IDH1: variants seen among roughly 807,000 people sequenced by gnomAD.
IDH1 encodes isocitrate dehydrogenase (NADP(+)) 1.
IDH1 carries 33 observed loss-of-function variants against 46.1 expected under a neutral mutation model. That is an observed-to-expected ratio of 0.72 (90% CI 0.54 to 0.96). The LOEUF is 0.96. Ranked by LOEUF, IDH1 falls within the 40% of genes least tolerant of loss-of-function variation. The pLI is 0.00. For synonymous variants in IDH1, 144 were observed against 172.8 expected, an observed-to-expected ratio of 0.83 and a Z score of 1.31; for missense variants, 421 against 515.7, an observed-to-expected ratio of 0.82 and a Z score of 1.78.
intron 6 of IDH1, among the ~76,000 whole-genome samples, chr2:208,243,188 C>G (rs541624778): frequency 2.0e-5 from 3 of 152,282 alleles, no homozygotes; most frequent in Admixed American, 6.5e-5. Flanking sequence ...ATTAAAGAAC[C>G]TGGCTCTGAA....
In IDH1 at chr2:208,239,220, G is replaced by A. The variant is rs758405875; in HGVS notation, c.1005C>T (p.Ala335=). 6 of 1,613,770 alleles carry A rather than the reference G, an allele frequency of 3.7e-6. No homozygotes were observed. Among genetic ancestry groups the A allele is most frequent in the Non-Finnish European group, 5.1e-6 (6 of 1,179,948 alleles). Residue 335 remains alanine (A), a synonymous_variant, in exon 9 of 10, where the codon GCC becomes GCT. Transcript: ENST00000345146. ...CTCTGTGGGCTAACCCTCTGGTCCAGGCAAAAATGGAAGCTAAAAGAGGGG... is the reference window on the plus strand; with the variant it reads ...CTCTGTGGGCTAACCCTCTGGTCCAAGCAAAAATGGAAGCTAAAAGAGGGG... ...TSTNPIASIF[A]WTRGLAHRAK...
At position 208,237,034 on chromosome 2, in the gene IDH1, C is replaced by A. The variant is rs1406936770; in HGVS notation, c.*45G>T. The A allele has an allele frequency of 9.7e-7, 1 of 1,028,068 alleles. No homozygotes were observed. The highest frequency in any genetic ancestry group is 2.4e-5 in the East Asian group (1 of 41,032). 63.7% of individuals were successfully genotyped at this position (1,028,068 alleles called of 1,614,324 possible). Reference sequence around the variant, plus strand: ...ACACAGAAAAATGTAAACCTGTAGACCTAGTTACCAAAAGACAATTATCCT... The same window carrying A: ...ACACAGAAAAATGTAAACCTGTAGAACTAGTTACCAAAAGACAATTATCCT... On this transcript the variant is annotated 3_prime_UTR_variant, in exon 10 of 10. Coordinates refer to ENST00000345146, the MANE Select transcript of IDH1 (RefSeq NM_005896.4).
In IDH1 at chr2:208,239,879, C is replaced by T. The variant is rs148160119; in HGVS notation, c.975G>A (p.Thr325=). Residue 325 remains threonine, a synonymous_variant, in exon 8 of 10, where the codon ACG becomes ACA. Coordinates refer to ENST00000345146, the MANE Select transcript of IDH1 (RefSeq NM_005896.4). ...HYRMYQKGQE[T]STNPIASIFA... ...CCATCTTACCAATGGGATTGGTGGA[C>T]GTCTCCTGTCCTTTCTGGTACATGC... is the stretch of plus-strand genomic sequence containing the variant. The T allele has an allele frequency of 1.8e-4, 287 of 1,614,150 alleles. 2 individuals carry two copies. The Middle Eastern group carries it at 2.8e-3, about 16-fold the overall frequency.
intron 7 of IDH1, chr2:208,240,330 A>G: frequency 3.1e-6 from 1 of 323,656 alleles, no homozygotes; most frequent in Non-Finnish European, 6.1e-6. Context: ...TTATCTGTAA[A>G]ATGGGAGTAA....
chr2:208,251,129 T>A (rs929562102), intron 3 of IDH1: 1 of 216,448 alleles, frequency 4.6e-6, no homozygotes, highest in African/African-American at 2.3e-5. Context: ...CTGAATATAT[T>A]TAGGCTTAAA....
At chr2:208,249,533 TAGAAAATGACTGCAA>T (rs1275343779) in intron 3 of IDH1, among the ~76,000 whole-genome samples, 1 of 152,208 alleles carries the variant, frequency 6.6e-6, no homozygotes, top group Non-Finnish European at 1.5e-5. Context: ...CCAGGGAGCA[TAGAAAATGACTGCAA>T]AGCTTTATTT....
chr2:208,253,240 A>G (rs931294415), intron 2 of IDH1, among the ~76,000 whole-genome samples: 1 of 152,250 alleles, frequency 6.6e-6, no homozygotes, highest in African/African-American at 2.4e-5. Context: ...TACTCTCTGC[A>G]GTAATCTTTC....
rs77449519 is a variant in IDH1, at chr2:208,249,492, G to T, written c.123-832C>A. ...AATATACACCAACACAAAGATTGCAGGTCATTCAGAGCTGAAAGAATGTTA... is the reference window on the plus strand; with the variant it reads ...AATATACACCAACACAAAGATTGCATGTCATTCAGAGCTGAAAGAATGTTA... On this transcript the variant is annotated intron_variant, in intron 3 of 9. Coordinates refer to ENST00000345146, the MANE Select transcript of IDH1 (RefSeq NM_005896.4). Among the ~76,000 whole-genome samples the T allele has an allele frequency of 8.4e-3, 1,286 of 152,302 alleles. 23 individuals are homozygous for T. Among genetic ancestry groups the T allele is most frequent in the African/African-American group, 0.029 (1,210 of 41,558 alleles).
At position 208,239,951 on chromosome 2, in the gene IDH1, C is replaced by T. The variant is rs775133036; in HGVS notation, c.903G>A (p.Lys301=). The change falls in exon 8 of 10, where the codon AAG becomes AAA. Residue 301 remains lysine (K), a synonymous_variant. Coordinates refer to ENST00000345146, the MANE Select transcript of IDH1 (RefSeq NM_005896.4). ...MTSVLVCPDG[K]TVEAEAAHGT... ...CGTGGGCAGCCTCTGCTTCTACTGTCTTGCCATCTGGACAAACCAGCACGC... is the reference window on the plus strand; with the variant it reads ...CGTGGGCAGCCTCTGCTTCTACTGTTTTGCCATCTGGACAAACCAGCACGC... 1 of 1,614,204 alleles carries T rather than the reference C, an allele frequency of 6.2e-7. No individual in the cohort carries two copies. Among genetic ancestry groups the T allele is most frequent in the South Asian group, 1.1e-5 (1 of 91,080 alleles).
intron 6 of IDH1, 109 bp from the exon 7 acceptor site, chr2:208,242,254 TTAG>T (rs1346944979): frequency 3.9e-6 from 4 of 1,015,332 alleles, no homozygotes; most frequent in African/African-American, 3.2e-5. Flanking sequence ...GCAGCATATT[TTAG>T]TAGAAGTAGC....
chr2:208,242,365 C>T (rs1214923073), intron 6 of IDH1, among the ~76,000 whole-genome samples: 1 of 152,144 alleles, frequency 6.6e-6, no homozygotes, highest in East Asian at 1.9e-4. Flanking sequence ...CAATTTTACC[C>T]ACCTTGCAGG....
intron 6 of IDH1, 98 bp from the exon 7 acceptor site, chr2:208,242,243 A>G: frequency 8.8e-7 from 1 of 1,131,370 alleles, no homozygotes; most frequent in Non-Finnish European, 1.3e-6. Context: ...ACACACAAGA[A>G]GCAGCATATT....
intron 7 of IDH1, among the ~76,000 whole-genome samples, chr2:208,241,096 A>G (rs1048323922): frequency 5.3e-5 from 8 of 152,236 alleles, no homozygotes; most frequent in Non-Finnish European, 1.2e-4. Context: ...TGAGGAAACC[A>G]GGCGCTGTGT....
In IDH1 at chr2:208,243,557, CA is replaced by C. The variant is rs778615377; in HGVS notation, c.567del (p.Ile189MetfsTer21). ...AMGMYNQDKS[I>X]EDFAHSSFQM... ...TGGAAGGAACTGTGTGCAAAATCTTCAATTGACTTATCTTGATTATACATCC... is the reference window on the plus strand; with the variant it reads ...TGGAAGGAACTGTGTGCAAAATCTTCATTGACTTATCTTGATTATACATCC... On this transcript the variant is annotated frameshift_variant, in exon 6 of 10. Coordinates refer to ENST00000345146, the MANE Select transcript of IDH1 (RefSeq NM_005896.4). LOFTEE classifies it high-confidence loss of function. 1 of 1,614,062 alleles carries C rather than the reference CA, an allele frequency of 6.2e-7. No homozygotes were observed. The highest frequency in any genetic ancestry group is 8.5e-7 in the Non-Finnish European group (1 of 1,179,936).
chr2:208,240,263 A>G (rs1423630252), intron 7 of IDH1: 1 of 500,836 alleles, frequency 2.0e-6, no homozygotes, highest in Non-Finnish European at 3.7e-6. Context: ...TTCAGGGTCC[A>G]ACTGCCTACA....
chr2:208,239,168 C>A lies in IDH1; in HGVS notation c.1057G>T (p.Ala353Ser), dbSNP rs2124847533. 6.2e-7 allele frequency: 1 copy of A among 1,614,046 alleles called. No homozygotes were observed. Among genetic ancestry groups the A allele is most frequent in the East Asian group, 2.2e-5 (1 of 44,878 alleles). ...TCTTCCAAAGCATTTGCAAAGAAGG[C>A]AAGCTCTTTATTGTTATCAAGCTTT... ...RAKLDNNKEL[A>S]FFANALEEVS... is the part of the protein sequence containing the mutation. Residue 353 changes from alanine to serine, a missense_variant, in exon 9 of 10, where the codon GCC (alanine) becomes TCC (serine). Physicochemically the swap from Ala to Ser is moderately conservative, Grantham distance 99. Transcript: ENST00000345146.
intron 4 of IDH1, among the ~76,000 whole-genome samples, chr2:208,245,865 G>T (rs1288010025): frequency 1.3e-5 from 2 of 150,802 alleles, no homozygotes; most frequent in African/African-American, 4.9e-5. Flanking sequence ...TCCCTAGAGG[G>T]TGATGATAAC....
intron 7 of IDH1, among the ~76,000 whole-genome samples, chr2:208,241,713 G>T (rs1687922541): frequency 6.6e-6 from 1 of 152,104 alleles, no homozygotes; most frequent in Admixed American, 6.5e-5. Flanking sequence ...AGGACAAGGA[G>T]GGCAGGGAAA....
chr2:208,248,020 C>A (rs1200754774), intron 4 of IDH1: 1 of 294,046 alleles, frequency 3.4e-6, no homozygotes, highest in Admixed American at 4.9e-5. Context: ...TAAGGGGATC[C>A]TATTGTGCAG....
Sources: allele counts gnomAD v4.1 joint callset (sites outside exome capture counted in the v4.1 genomes callset), GRCh38; gene constraint gnomAD v4.1.1; transcripts MANE v1.5; gene names NCBI Gene and HGNC (gene_info 2026-07-23, HGNC 2026-07-21).